SMARCC1: variants seen among roughly 807,000 people sequenced by gnomAD.
SMARCC1 encodes the protein SWI/SNF complex subunit SMARCC1.
A neutral mutation model predicts 147.4 loss-of-function variants in SMARCC1; 43 were observed. The observed-to-expected ratio is 0.29, with a 90% CI of 0.23 to 0.38. The LOEUF (loss-of-function observed/expected upper bound fraction) is 0.38. SMARCC1 is among the 10% of genes least tolerant of loss of function. SMARCC1 has a pLI of 1.00. For synonymous variants in SMARCC1, 495 were observed against 484.4 expected (o/e 1.02, Z -0.29); for missense variants, 1,119 against 1,381.1 (o/e 0.81, Z 3.01).
At chr3:47,625,407 G>GT (rs2032795137) in intron 24 of SMARCC1, among the ~76,000 whole-genome samples, 3 of 152,078 alleles carry the variant, frequency 2.0e-5, no homozygotes, top group Non-Finnish European at 4.4e-5. Flanking sequence ...GTTAACTTTT[G>GT]TATTTTTGGT....
At chr3:47,671,218 CAA>C (rs1275015461) in intron 18 of SMARCC1, among the ~76,000 whole-genome samples, 1 of 98,742 alleles carries the variant, frequency 1.0e-5, no homozygotes, top group African/African-American at 3.8e-5. Flanking sequence ...AAACCAAAAC[CAA>C]AAAAGACTTC....
chr3:47,737,435 C>G (rs2034456587), intron 4 of SMARCC1, among the ~76,000 whole-genome samples: 1 of 151,956 alleles, frequency 6.6e-6, no homozygotes, highest in Non-Finnish European at 1.5e-5. Context: ...ATAAAGACAA[C>G]TCAAACAATA....
chr3:47,717,932 C>T (rs963838208), intron 7 of SMARCC1, among the ~76,000 whole-genome samples: 2 of 151,638 alleles, frequency 1.3e-5, no homozygotes, highest in African/African-American at 4.8e-5. Flanking sequence ...TTACTTTGAA[C>T]AGTTTGAGGC....
chr3:47,653,189 C>A lies in SMARCC1; in HGVS notation c.2320+8105G>T, dbSNP rs372978660. Among the ~76,000 whole-genome samples the A allele has an allele frequency of 3.9e-5, 6 of 152,272 alleles. 1 individual carries two copies. Among genetic ancestry groups the A allele is most frequent in the African/African-American group, 1.4e-4 (6 of 41,582 alleles). Reference sequence around the variant, plus strand: ...AGCCAGGATGGTCTCGATCTCCTGACCTCATGATCCACCCGCCTCGGCCTC... The same window carrying A: ...AGCCAGGATGGTCTCGATCTCCTGAACTCATGATCCACCCGCCTCGGCCTC... On this transcript the variant is annotated intron_variant, in intron 21 of 27. Transcript: ENST00000254480.
At chr3:47,600,570 G>A (rs1241024134) in intron 26 of SMARCC1, among the ~76,000 whole-genome samples, 1 of 152,156 alleles carries the variant, frequency 6.6e-6, no homozygotes, top group East Asian at 1.9e-4. Flanking sequence ...ACAAGAGACT[G>A]AGCTGAGATT....
intron 2 of SMARCC1, among the ~76,000 whole-genome samples, chr3:47,763,140 C>T (rs933393517): frequency 5.3e-5 from 8 of 151,470 alleles, no homozygotes; most frequent in Non-Finnish European, 1.0e-4. Flanking sequence ...AATGCATCTC[C>T]TTCTTCAACA....
At chr3:47,723,587 C>T (rs1164656832) in intron 6 of SMARCC1, among the ~76,000 whole-genome samples, 2 of 151,930 alleles carry the variant, frequency 1.3e-5, no homozygotes, top group Non-Finnish European at 2.9e-5. Flanking sequence ...GTCAAGGCGG[C>T]AGATCACCTG....
intron 12 of SMARCC1, among the ~76,000 whole-genome samples, chr3:47,691,973 T>C (rs1234439731): frequency 6.6e-6 from 1 of 152,190 alleles, no homozygotes; most frequent in Non-Finnish European, 1.5e-5. Context: ...TACTCCAGCC[T>C]GGGTAACAGA....
intron 18 of SMARCC1, among the ~76,000 whole-genome samples, chr3:47,671,455 T>C (rs2033501623): frequency 1.3e-5 from 2 of 152,180 alleles, no homozygotes; most frequent in South Asian, 2.1e-4. Flanking sequence ...TGACAGGTTC[T>C]TGATTCCAAC....
At chr3:47,775,164 CTTTT>C (rs756039956) in intron 1 of SMARCC1, among the ~76,000 whole-genome samples, 2 of 138,750 alleles carry the variant, frequency 1.4e-5, no homozygotes, top group Admixed American at 7.3e-5. Flanking sequence ...CAACATAGTA[CTTTT>C]TTTTTTTTTT....
At chr3:47,602,449 C>T (rs2032403124) in intron 26 of SMARCC1, among the ~76,000 whole-genome samples, 1 of 152,142 alleles carries the variant, frequency 6.6e-6, no homozygotes, top group South Asian at 2.1e-4. Flanking sequence ...AGGCACACGC[C>T]ACCACACCAA....
intron 6 of SMARCC1, among the ~76,000 whole-genome samples, chr3:47,721,292 A>G (rs897996238): frequency 2.0e-5 from 3 of 152,186 alleles, no homozygotes; most frequent in East Asian, 1.9e-4. Flanking sequence ...TCACTGCCTC[A>G]TACCTGTTAG....
At chr3:47,599,099 C>G (rs2032345649) in intron 26 of SMARCC1, among the ~76,000 whole-genome samples, 1 of 152,022 alleles carries the variant, frequency 6.6e-6, no homozygotes, top group African/African-American at 2.4e-5. Flanking sequence ...TTAAGTTATT[C>G]TGACAGGCTG....
intron 6 of SMARCC1, among the ~76,000 whole-genome samples, chr3:47,723,229 A>G (rs2106813192): frequency 6.6e-6 from 1 of 152,320 alleles, no homozygotes; most frequent in African/African-American, 2.4e-5. Flanking sequence ...CACAGAAAAT[A>G]AAAATACACA....
chr3:47,631,716 G>A (rs769727890), intron 24 of SMARCC1, among the ~76,000 whole-genome samples: 11 of 152,296 alleles, frequency 7.2e-5, no homozygotes, highest in East Asian at 3.9e-4. Flanking sequence ...ATCACTCCAC[G>A]TCAGTATGAC....
chr3:47,739,598 T>C (rs2034484501), intron 3 of SMARCC1, among the ~76,000 whole-genome samples: 1 of 152,128 alleles, frequency 6.6e-6, no homozygotes, highest in Non-Finnish European at 1.5e-5. Flanking sequence ...CCTCCCAAAG[T>C]GCTGACATTA....
chr3:47,615,835 C>G (rs1023071358), intron 25 of SMARCC1, among the ~76,000 whole-genome samples: 2 of 152,170 alleles, frequency 1.3e-5, no homozygotes, highest in Non-Finnish European at 1.5e-5. Flanking sequence ...AGGTGCCCAC[C>G]ACCACGCCCG....
chr3:47,683,263 G>A lies in SMARCC1; in HGVS notation c.1386-2755C>T, dbSNP rs557716450. Among the ~76,000 whole-genome samples the A allele has an allele frequency of 1.4e-3, 212 of 151,924 alleles. 1 individual carries two copies. The highest frequency in any genetic ancestry group is 4.8e-3 in the African/African-American group (201 of 41,466). On this transcript the variant is annotated intron_variant, in intron 14 of 27. Coordinates refer to ENST00000254480, the MANE Select transcript of SMARCC1 (RefSeq NM_003074.4). ...GGGTTTCACCGTGTTAGCCAGGATG[G>A]TCTCAATCTCCTGACCTCGTGATCC... is the stretch of plus-strand genomic sequence containing the variant.
chr3:47,645,141 G>GT (rs1199463377), intron 21 of SMARCC1, among the ~76,000 whole-genome samples: 1 of 152,102 alleles, frequency 6.6e-6, no homozygotes, highest in Non-Finnish European at 1.5e-5. Flanking sequence ...GCTGGACGTG[G>GT]TGGCGCATGC....
Sources: allele counts gnomAD v4.1 joint callset (sites outside exome capture counted in the v4.1 genomes callset), GRCh38; gene constraint gnomAD v4.1.1; transcripts MANE v1.5; gene names NCBI Gene and HGNC (gene_info 2026-07-23, HGNC 2026-07-21).